The following NBAS variants were observed in gnomAD, a reference collection of about 807,000 sequenced individuals.
NBAS encodes the protein NAG/BC035112 fusion.
A neutral mutation model predicts 302.5 loss-of-function variants in NBAS; 219 were observed. The ratio of observed to expected loss-of-function variants is 0.72; its 90% CI spans 0.65 to 0.81. The LOEUF (loss-of-function observed/expected upper bound fraction) is 0.81, where lower values mean the gene tolerates loss of function less well. NBAS is among the 30% of genes least tolerant of loss of function. NBAS has a pLI of 0.00. For missense variants in NBAS, 2,932 were observed against 2,841.6 expected (o/e 1.03, Z -0.72); for synonymous variants, 1,118 against 1,021.6 (o/e 1.09, Z -1.80).
At chr2:15,108,207 G>A in the NBAS span, among the ~76,000 whole-genome samples, 16 of 152,246 alleles carry the variant, frequency 1.1e-4, no homozygotes, top group East Asian at 3.1e-3. Flanking sequence ...GGAATTGTGA[G>A]ATCATATGGT....
chr2:15,117,134 C>T, the NBAS span, among the ~76,000 whole-genome samples: 1 of 152,066 alleles, frequency 6.6e-6, no homozygotes, highest in African/African-American at 2.4e-5. Flanking sequence ...ACATACCTGG[C>T]AGAGGAAAGA....
chr2:14,835,323 T>C, the NBAS span, among the ~76,000 whole-genome samples: 4 of 151,976 alleles, frequency 2.6e-5, no homozygotes, highest in Non-Finnish European at 5.9e-5. Flanking sequence ...ATTTGTGAAA[T>C]ATAAACACAC....
chr2:15,113,590 T>C, the NBAS span, among the ~76,000 whole-genome samples: 1 of 152,060 alleles, frequency 6.6e-6, no homozygotes, highest in African/African-American at 2.4e-5. Context: ...TGGCCAAAGA[T>C]TGGACAATCT....
the NBAS span, among the ~76,000 whole-genome samples, chr2:14,788,902 G>A: frequency 2.0e-5 from 3 of 152,248 alleles, no homozygotes; most frequent in South Asian, 4.1e-4. Context: ...GGTTACTGCT[G>A]TCTTTTTGTT....
the NBAS span, among the ~76,000 whole-genome samples, chr2:14,843,738 A>C: frequency 6.6e-6 from 1 of 152,146 alleles, no homozygotes; most frequent in Non-Finnish European, 1.5e-5. Flanking sequence ...CTTGGTGCAG[A>C]GAGAGAATCT....
Position 15,328,276 on chromosome 2 carries a change from T to C in NBAS, c.4384A>G (p.Thr1462Ala). 1 of 1,613,958 alleles carries C rather than the reference T, an allele frequency of 6.2e-7. No homozygotes were observed. Among genetic ancestry groups the C allele is most frequent in the South Asian group, 1.1e-5 (1 of 91,068 alleles). Residue 1462 changes from threonine (T) to alanine (A), a missense_variant, in exon 37 of 52, where the codon ACA (threonine) becomes GCA (alanine). Thr to Ala is a moderately conservative substitution (Grantham distance 58, BLOSUM62 0). Transcript: ENST00000281513. ...TGTTTCTCTAGATCTTCATTGGCTG[T>C]AGTTCCGATTTGATATGCACCACCA... ...KCGGAYQIGTTANEDLEKQGC... is the reference protein window; with the variant it reads ...KCGGAYQIGTAANEDLEKQGC...
chr2:15,184,289 C>T (rs1190550942), intron 50 of NBAS, among the ~76,000 whole-genome samples: 4 of 152,036 alleles, frequency 2.6e-5, no homozygotes, highest in East Asian at 1.9e-4. Flanking sequence ...GAATAGTCCA[C>T]CCCATGGAGG....
the NBAS span, among the ~76,000 whole-genome samples, chr2:14,901,331 CA>C: frequency 2.6e-5 from 4 of 151,388 alleles, no homozygotes; most frequent in South Asian, 8.4e-4. Flanking sequence ...AGAGAGAGTT[CA>C]AAAAATTATA....
intron 9 of NBAS, 135 bp from the exon 10 acceptor site, chr2:15,511,485 A>G: frequency 1.3e-6 from 1 of 779,982 alleles, no homozygotes; most frequent in Non-Finnish European, 2.1e-6. Context: ...TAGAAGGTAA[A>G]TATTTCAGAG....
At chr2:15,535,259 C>T (rs1479096060) in intron 8 of NBAS, among the ~76,000 whole-genome samples, 1 of 152,132 alleles carries the variant, frequency 6.6e-6, no homozygotes, top group Non-Finnish European at 1.5e-5. Context: ...CAGTGGCTCA[C>T]GCCTGTTATC....
At chr2:15,245,640 TGGATGGAC>T (rs1452870660) in intron 44 of NBAS, among the ~76,000 whole-genome samples, 1 of 150,444 alleles carries the variant, frequency 6.6e-6, no homozygotes, top group African/African-American at 2.5e-5. Context: ...GATGGATGGA[TGGATGGAC>T]GGACGGACGG....
intron 35 of NBAS, among the ~76,000 whole-genome samples, chr2:15,347,272 CATAAT>C: frequency 6.6e-6 from 1 of 152,238 alleles, no homozygotes; most frequent in South Asian, 2.1e-4. Flanking sequence ...AGATGTTAGA[CATAAT>C]ATAACAAACA....
the NBAS span, among the ~76,000 whole-genome samples, chr2:14,874,463 T>TA: frequency 0.29 from 37,641 of 129,476 alleles, 5,890 homozygotes; most frequent in Non-Finnish European, 0.37. Flanking sequence ...CGTCTCTACT[T>TA]AAAAAAAAAA....
chr2:14,784,698 A>C, the NBAS span, among the ~76,000 whole-genome samples: 79 of 152,266 alleles, frequency 5.2e-4, no homozygotes, highest in East Asian at 4.8e-3. Flanking sequence ...TGGTACCAGT[A>C]CCATGCTGTT....
At chr2:15,052,258 A>G in the NBAS span, among the ~76,000 whole-genome samples, 1,633 of 152,328 alleles carry the variant, frequency 0.011, 34 homozygotes, top group African/African-American at 0.038. Flanking sequence ...TCAGTGGGAC[A>G]TTTATGACTA....
intron 35 of NBAS, among the ~76,000 whole-genome samples, chr2:15,343,677 C>T (rs112099058): frequency 1.3e-5 from 2 of 151,648 alleles, no homozygotes; most frequent in Non-Finnish European, 2.9e-5. Flanking sequence ...CAAGTCTATA[C>T]TTATTTCAAA....
chr2:15,360,612 A>C (rs948398440), intron 32 of NBAS, among the ~76,000 whole-genome samples: 2 of 147,008 alleles, frequency 1.4e-5, no homozygotes, highest in South Asian at 4.3e-4. Context: ...AACCTTCCAA[A>C]GTGTTGGGAT....
At chr2:15,164,756 C>T (rs1347154872), downstream of NBAS, among the ~76,000 whole-genome samples, 5 of 152,322 alleles carry the variant, frequency 3.3e-5, no homozygotes, top group East Asian at 1.9e-4. Flanking sequence ...CAAAGAGGAA[C>T]GCAGCGTTCT....
At position 15,370,765 on chromosome 2, in the gene NBAS, C is replaced by T. The variant is rs942170668; in HGVS notation, c.3703+3843G>A. Among the ~76,000 whole-genome samples the T allele has an allele frequency of 4.6e-5, 7 of 152,198 alleles. No individual in the cohort carries two copies. The East Asian group carries it at 7.7e-4, about 17-fold the overall frequency. On this transcript the variant is annotated intron_variant, in intron 31 of 51. Transcript: ENST00000281513. ...CAATTTCTCCCATTTGGAATGGAGG[C>T]ATTTATCCAATGCCTGTACCCCTAT...
Sources: gnomAD v4.1 joint callset for allele counts (sites outside exome capture counted in the v4.1 genomes callset) on GRCh38, gnomAD v4.1.1 for gene constraint, MANE v1.5 for transcripts, NCBI Gene and HGNC (gene_info 2026-07-23, HGNC 2026-07-21) for gene names.